The following PARD3 variants were observed in gnomAD, a reference collection of about 807,000 sequenced individuals.
PARD3 encodes par-3 family cell polarity regulator.
A neutral mutation model predicts 155.4 loss-of-function variants in PARD3; 75 were observed. The ratio of observed to expected loss-of-function variants is 0.48; its 90% CI spans 0.40 to 0.58. PARD3 has a LOEUF of 0.58. Ranked by LOEUF, PARD3 falls within the 20% of genes least tolerant of loss-of-function variation. The probability of loss-of-function intolerance (pLI) is 0.00; values close to 1 mark genes in which losing one functional copy is unlikely to be tolerated. For synonymous variants in PARD3, 576 were observed against 610.5 expected, an observed-to-expected ratio of 0.94 and a Z score of 0.83; for missense variants, 1,642 against 1,721.7, an observed-to-expected ratio of 0.95 and a Z score of 0.82.
At chr10:34,325,552 T>C (rs564548191) in intron 19 of PARD3, among the ~76,000 whole-genome samples, 4 of 151,772 alleles carry the variant, frequency 2.6e-5, no homozygotes, top group Admixed American at 6.6e-5. Flanking sequence ...AGTGTCACAC[T>C]AACTTACACA....
chr10:34,659,896 C>T (rs916429820), intron 2 of PARD3, among the ~76,000 whole-genome samples: 1 of 152,148 alleles, frequency 6.6e-6, no homozygotes, highest in African/African-American at 2.4e-5. Context: ...TGCTTCCGCG[C>T]ATGCATTTTC....
At chr10:34,689,464 A>G (rs1259311502) in intron 2 of PARD3, among the ~76,000 whole-genome samples, 1 of 152,238 alleles carries the variant, frequency 6.6e-6, no homozygotes, top group Non-Finnish European at 1.5e-5. Flanking sequence ...TCAATTATGC[A>G]TATATTTTAA....
At chr10:34,445,860 C>T (rs932203430) in intron 5 of PARD3, among the ~76,000 whole-genome samples, 13 of 151,862 alleles carry the variant, frequency 8.6e-5, no homozygotes, top group African/African-American at 4.8e-5. Flanking sequence ...GCCCACATAT[C>T]CCTTGCTTAA....
At chr10:34,553,394 G>T (rs2084745215) in intron 2 of PARD3, among the ~76,000 whole-genome samples, 1 of 152,132 alleles carries the variant, frequency 6.6e-6, no homozygotes, top group Non-Finnish European at 1.5e-5. Context: ...GAGAAGTTAA[G>T]GCCTTTGAAA....
intron 22 of PARD3, among the ~76,000 whole-genome samples, chr10:34,179,730 G>A (rs538692868): frequency 7.2e-5 from 11 of 152,258 alleles, no homozygotes; most frequent in Admixed American, 3.9e-4. Flanking sequence ...TTTATGAAAG[G>A]AGAAGACTGA....
At chr10:34,478,263 A>C (rs2078842445) in intron 3 of PARD3, among the ~76,000 whole-genome samples, 1 of 152,218 alleles carries the variant, frequency 6.6e-6, no homozygotes, top group African/African-American at 2.4e-5. Flanking sequence ...GAGCACCACA[A>C]ACATAGTTTA....
intron 2 of PARD3, among the ~76,000 whole-genome samples, chr10:34,652,029 T>A (rs1482869516): frequency 6.6e-6 from 1 of 152,152 alleles, no homozygotes; most frequent in Non-Finnish European, 1.5e-5. Context: ...ACGGCCAGCA[T>A]TTTTTCCTCC....
intron 21 of PARD3, among the ~76,000 whole-genome samples, chr10:34,278,628 ATTC>A (rs1345594550): frequency 1.3e-5 from 2 of 151,938 alleles, no homozygotes; most frequent in Non-Finnish European, 2.9e-5. Flanking sequence ...CTGGGCTCTC[ATTC>A]TTCTCTTTTC....
Position 34,470,154 on chromosome 10 carries a change from TGTGGGATTTTTCCTTGAA to T in PARD3, c.495_512del (p.Ser166_Thr171del). 1 of 1,613,556 alleles carries T rather than the reference TGTGGGATTTTTCCTTGAA, an allele frequency of 6.2e-7. No homozygotes were observed. The highest frequency in any genetic ancestry group is 8.5e-7 in the Non-Finnish European group (1 of 1,179,804). ...GGAAGCCAGCTGTTGTTGACCAGCG[TGTGGGATTTTTCCTTGAA>T]GGCTCTTCAGAGGAAAAATTACTAT... On this transcript the variant is annotated inframe_deletion, in exon 4 of 25. Transcript: ENST00000374788.
intron 14 of PARD3, among the ~76,000 whole-genome samples, chr10:34,356,612 T>G (rs970683165): frequency 2.0e-5 from 3 of 152,244 alleles, no homozygotes; most frequent in Admixed American, 2.0e-4. Flanking sequence ...CACATTATTT[T>G]GGCTTGAGAT....
At chr10:34,314,319 TAACA>T (rs1957872972) in intron 20 of PARD3, among the ~76,000 whole-genome samples, 4 of 152,198 alleles carry the variant, frequency 2.6e-5, no homozygotes, top group Admixed American at 2.0e-4. Flanking sequence ...AACAATGCTT[TAACA>T]GTCTTCTCAA....
intron 4 of PARD3, among the ~76,000 whole-genome samples, chr10:34,459,660 T>A (rs180960962): frequency 1.4e-4 from 22 of 152,320 alleles, no homozygotes; most frequent in African/African-American, 5.3e-4. Flanking sequence ...TACAGTCTTA[T>A]ACATTATTTA....
intron 22 of PARD3, among the ~76,000 whole-genome samples, chr10:34,144,997 G>A (rs1465650033): frequency 9.9e-5 from 15 of 151,624 alleles, no homozygotes; most frequent in Admixed American, 8.6e-4. Flanking sequence ...AATATTTTGC[G>A]TTTGCATGCT....
chr10:34,480,942 C>T (rs2079048574), intron 3 of PARD3, among the ~76,000 whole-genome samples: 1 of 151,758 alleles, frequency 6.6e-6, no homozygotes, highest in African/African-American at 2.4e-5. Context: ...GCTGGGATTA[C>T]AGGTGCCTGC....
chr10:34,744,740 T>C (rs184090274), intron 1 of PARD3, among the ~76,000 whole-genome samples: 14 of 152,358 alleles, frequency 9.2e-5, no homozygotes, highest in African/African-American at 3.1e-4. Flanking sequence ...TAGTTTAATG[T>C]AATAATTGAA....
chr10:34,357,327 C>T (rs141556401), intron 14 of PARD3, among the ~76,000 whole-genome samples: 1 of 152,128 alleles, frequency 6.6e-6, no homozygotes, highest in Non-Finnish European at 1.5e-5. Flanking sequence ...TAAGGTGATA[C>T]GTTGTCCAGT....
chr10:34,763,469 G>GT (rs1837705463), intron 1 of PARD3, among the ~76,000 whole-genome samples: 1 of 152,128 alleles, frequency 6.6e-6, no homozygotes, highest in African/African-American at 2.4e-5. Context: ...GAAAGACACA[G>GT]GGTCATTCCC....
At chr10:34,625,806 G>A (rs1370324246) in intron 2 of PARD3, among the ~76,000 whole-genome samples, 1 of 152,178 alleles carries the variant, frequency 6.6e-6, no homozygotes, top group African/African-American at 2.4e-5. Context: ...AGCTACTTGG[G>A]AGGCTGAGGC....
intron 2 of PARD3, among the ~76,000 whole-genome samples, chr10:34,670,907 G>A (rs918897636): frequency 6.6e-6 from 1 of 152,270 alleles, no homozygotes; most frequent in African/African-American, 2.4e-5. Flanking sequence ...GAAAAGACAA[G>A]AATACATTTC....
Sources: gnomAD v4.1 joint callset for allele counts (sites outside exome capture counted in the v4.1 genomes callset) on GRCh38, gnomAD v4.1.1 for gene constraint, MANE v1.5 for transcripts, NCBI Gene and HGNC (gene_info 2026-07-23, HGNC 2026-07-21) for gene names.